GPC6: variants seen among roughly 807,000 people sequenced by gnomAD.
GPC6 encodes glypican 6.
GPC6 carries 14 observed loss-of-function variants against 55.2 expected under a neutral mutation model. The ratio of observed to expected loss-of-function variants is 0.25; its 90% CI spans 0.17 to 0.40. The LOEUF is 0.40. Ranked by LOEUF, GPC6 falls within the 10% of genes least tolerant of loss-of-function variation. The pLI is 1.00. For synonymous variants in GPC6, 278 were observed against 259.6 expected, an observed-to-expected ratio of 1.07 and a Z score of -0.68; for missense variants, 641 against 708.5, an observed-to-expected ratio of 0.90 and a Z score of 1.08.
chr13:93,314,956 T>C (rs1479721555), intron 1 of GPC6, among the ~76,000 whole-genome samples: 1 of 152,098 alleles, frequency 6.6e-6, no homozygotes, highest in Non-Finnish European at 1.5e-5. Flanking sequence ...AACCCAGATT[T>C]GTATGTCATA....
At chr13:93,716,745 T>C (rs976901548) in intron 2 of GPC6, among the ~76,000 whole-genome samples, 1 of 151,600 alleles carries the variant, frequency 6.6e-6, no homozygotes, top group Non-Finnish European at 1.5e-5. Context: ...GTTTATAGTT[T>C]ACAGTAGTGT....
At chr13:93,356,862 C>G (rs1382147888) in intron 1 of GPC6, among the ~76,000 whole-genome samples, 4 of 152,118 alleles carry the variant, frequency 2.6e-5, no homozygotes, top group Non-Finnish European at 5.9e-5. Flanking sequence ...GAGATGGATA[C>G]AGGTGCAAGG....
intron 3 of GPC6, among the ~76,000 whole-genome samples, chr13:94,027,208 G>T (rs1882933434): frequency 6.6e-6 from 1 of 152,118 alleles, no homozygotes; most frequent in Non-Finnish European, 1.5e-5. Flanking sequence ...AAGTGCAAAA[G>T]CTGCAGATGC....
chr13:93,582,655 T>C (rs908268542), intron 2 of GPC6, among the ~76,000 whole-genome samples: 4 of 152,200 alleles, frequency 2.6e-5, no homozygotes, highest in Non-Finnish European at 5.9e-5. Context: ...TAAGGCAACT[T>C]GGTACTTGGG....
At chr13:93,270,312 C>T (rs1006334977) in intron 1 of GPC6, among the ~76,000 whole-genome samples, 1 of 148,972 alleles carries the variant, frequency 6.7e-6, no homozygotes. Flanking sequence ...CTCAATTAAA[C>T]ATGGTATGTT....
intron 1 of GPC6, among the ~76,000 whole-genome samples, chr13:93,427,048 G>A (rs1457251599): frequency 6.7e-6 from 1 of 149,918 alleles, no homozygotes; most frequent in South Asian, 2.1e-4. Context: ...TTTGAGAAGT[G>A]TCTGTTCATG....
chr13:93,798,201 A>G (rs960899353), intron 2 of GPC6, among the ~76,000 whole-genome samples: 4 of 152,120 alleles, frequency 2.6e-5, no homozygotes, highest in Non-Finnish European at 4.4e-5. Context: ...TATTATGGCG[A>G]TGATGAAGGT....
chr13:94,098,815 C>A (rs1272425928), intron 4 of GPC6, among the ~76,000 whole-genome samples: 1 of 152,018 alleles, frequency 6.6e-6, no homozygotes, highest in Admixed American at 6.6e-5. Flanking sequence ...TTTGACGGGA[C>A]AATAAGAGTA....
intron 2 of GPC6, among the ~76,000 whole-genome samples, chr13:93,639,929 A>G (rs1594333667): frequency 1.3e-5 from 2 of 152,116 alleles, no homozygotes; most frequent in African/African-American, 2.4e-5. Flanking sequence ...CTTTATCACC[A>G]ATAGAATTCA....
intron 6 of GPC6, among the ~76,000 whole-genome samples, chr13:94,363,951 G>A (rs754493642): frequency 2.0e-5 from 3 of 152,282 alleles, no homozygotes; most frequent in South Asian, 2.1e-4. Flanking sequence ...TAAATGTTTC[G>A]TGTTCACTAT....
rs75376536 is a variant in GPC6 at position 93,954,203 on chromosome 13, A to G, written c.712-73526A>G. Among the ~76,000 whole-genome samples, 637 of 152,314 alleles carry G rather than the reference A, an allele frequency of 4.2e-3. 6 individuals are homozygous for G. Among genetic ancestry groups the G allele is most frequent in the African/African-American group, 0.015 (618 of 41,570 alleles). ...TTCTTTCAACACATATAGTTTTATAATCTGCTATTTACAACTTGCTATGTA... is the reference window on the plus strand; with the variant it reads ...TTCTTTCAACACATATAGTTTTATAGTCTGCTATTTACAACTTGCTATGTA... On this transcript the variant is annotated intron_variant, in intron 3 of 8. Transcript: ENST00000377047.
intron 3 of GPC6, among the ~76,000 whole-genome samples, chr13:93,944,057 A>G (rs914975347): frequency 2.0e-5 from 3 of 152,204 alleles, no homozygotes; most frequent in African/African-American, 4.8e-5. Flanking sequence ...TTCTTCTCCA[A>G]TAGCCAGGCA....
At chr13:93,570,515 A>G (rs1202098609) in intron 2 of GPC6, among the ~76,000 whole-genome samples, 2 of 152,174 alleles carry the variant, frequency 1.3e-5, no homozygotes, top group Non-Finnish European at 1.5e-5. Context: ...ATAAATAGTC[A>G]TTTTTGAATG....
intron 1 of GPC6, among the ~76,000 whole-genome samples, chr13:93,383,720 T>C (rs1875280051): frequency 6.7e-6 from 1 of 148,626 alleles, no homozygotes; most frequent in Admixed American, 7.0e-5. Context: ...TTAGGTATTA[T>C]GCAAACCAAG....
chr13:93,301,224 AG>A lies in GPC6; in HGVS notation c.160+73609del, dbSNP rs1208862786. Among the ~76,000 whole-genome samples the A allele has an allele frequency of 3.3e-5, 5 of 152,326 alleles. No individual in the cohort carries two copies. In the East Asian group the frequency reaches 7.7e-4, roughly 24 times the overall value. On this transcript the variant is annotated intron_variant, in intron 1 of 8. Coordinates refer to ENST00000377047, the MANE Select transcript of GPC6 (RefSeq NM_005708.5). ...CAAAACTCAGGATCCTCCACTTCAA[AG>A]TGCCTGGAGTCTGAAATCTCGTGCT...
chr13:93,426,162 A>G (rs1306517178), intron 1 of GPC6, among the ~76,000 whole-genome samples: 1 of 152,168 alleles, frequency 6.6e-6, no homozygotes, highest in Non-Finnish European at 1.5e-5. Context: ...AAATTATTGT[A>G]ACAGAAACTG....
intron 7 of GPC6, 85 bp downstream of exon 7, chr13:94,382,635 T>G: frequency 1.3e-6 from 2 of 1,571,024 alleles, no homozygotes; most frequent in Non-Finnish European, 1.7e-6. Flanking sequence ...TACAAACCTG[T>G]TTATGCAAAA....
chr13:93,382,990 G>C (rs1469586799), intron 1 of GPC6, among the ~76,000 whole-genome samples: 1 of 152,062 alleles, frequency 6.6e-6, no homozygotes, highest in Non-Finnish European at 1.5e-5. Context: ...CATATTTCCA[G>C]GGGTTCAAAT....
At chr13:94,369,820 T>C (rs758620008) in intron 6 of GPC6, among the ~76,000 whole-genome samples, 21 of 152,178 alleles carry the variant, frequency 1.4e-4, no homozygotes, top group Non-Finnish European at 2.2e-4. Flanking sequence ...GGGTTTTTTT[T>C]CCCTAAAAGC....
Sources: allele counts gnomAD v4.1 joint callset (sites outside exome capture counted in the v4.1 genomes callset), GRCh38; gene constraint gnomAD v4.1.1; transcripts MANE v1.5; gene names NCBI Gene and HGNC (gene_info 2026-07-23, HGNC 2026-07-21).